Variants in IMPG1 observed in about 807,000 individuals in gnomAD.
The protein encoded by IMPG1 is interphotoreceptor matrix proteoglycan 1.
Under a neutral mutation model 92.0 loss-of-function variants are expected in IMPG1, and 85 were observed. The ratio of observed to expected loss-of-function variants is 0.92; its 90% CI spans 0.78 to 1.11. IMPG1 has a LOEUF of 1.11. Ranked by LOEUF, IMPG1 falls within the 50% of genes least tolerant of loss-of-function variation. The pLI, the probability that IMPG1 is intolerant of heterozygous loss-of-function variation, is 0.00. For missense variants in IMPG1, 1,022 were observed against 956.0 expected, an observed-to-expected ratio of 1.07 and a Z score of -0.91; for synonymous variants, 367 against 334.1, an observed-to-expected ratio of 1.10 and a Z score of -1.08.
At chr6:76,042,974 C>T (rs1187965392) in intron 1 of IMPG1, among the ~76,000 whole-genome samples, 1 of 152,126 alleles carries the variant, frequency 6.6e-6, no homozygotes, top group Non-Finnish European at 1.5e-5. Context: ...TATCATTTTT[C>T]TCAGTTCATC....
At chr6:75,953,591 C>T (rs1046653056) in intron 12 of IMPG1, among the ~76,000 whole-genome samples, 2 of 151,250 alleles carry the variant, frequency 1.3e-5, no homozygotes, top group African/African-American at 2.4e-5. Flanking sequence ...TGAACTCATC[C>T]TTTTTTTCCC....
intron 14 of IMPG1, among the ~76,000 whole-genome samples, chr6:75,937,809 T>C (rs1781772357): frequency 6.6e-6 from 1 of 152,202 alleles, no homozygotes. Flanking sequence ...TGTAATTAAT[T>C]TCAGTGTTTA....
chr6:75,947,264 A>T (rs766676537), intron 14 of IMPG1, 50 bp downstream of exon 14: 6 of 1,443,282 alleles, frequency 4.2e-6, no homozygotes, highest in Admixed American at 1.7e-5. Context: ...GAACGAAATT[A>T]AAAAAATGAA....
chr6:75,993,657 A>G (rs1302610168), intron 12 of IMPG1, among the ~76,000 whole-genome samples: 2 of 152,228 alleles, frequency 1.3e-5, no homozygotes, highest in African/African-American at 4.8e-5. Flanking sequence ...GTGGGGATTT[A>G]GGTCTTTCTT....
chr6:76,025,856 G>T (rs749152027), intron 4 of IMPG1, among the ~76,000 whole-genome samples: 85 of 152,274 alleles, frequency 5.6e-4, no homozygotes, highest in Non-Finnish European at 7.8e-4. Context: ...GAGATTCTAG[G>T]AGCAGATCCA....
intron 6 of IMPG1, among the ~76,000 whole-genome samples, 185 bp downstream of exon 6, chr6:76,021,930 TC>T (rs1031764357): frequency 3.2e-4 from 48 of 150,658 alleles, no homozygotes; most frequent in African/African-American, 1.0e-3. Context: ...AATCTATGCT[TC>T]CCCCCTCAGT....
intron 12 of IMPG1, among the ~76,000 whole-genome samples, chr6:75,980,094 C>T (rs989362188): frequency 1.3e-5 from 2 of 152,048 alleles, no homozygotes; most frequent in South Asian, 2.1e-4. Context: ...AGGATCGTTT[C>T]GGACATGATC....
intron 4 of IMPG1, among the ~76,000 whole-genome samples, chr6:76,025,800 G>T (rs1001800928): frequency 4.6e-5 from 7 of 152,226 alleles, no homozygotes; most frequent in African/African-American, 1.7e-4. Flanking sequence ...TAACTAGCCA[G>T]GAAGTTGGGG....
At chr6:75,972,053 T>C (rs1273203566) in intron 12 of IMPG1, among the ~76,000 whole-genome samples, 2 of 152,230 alleles carry the variant, frequency 1.3e-5, no homozygotes, top group East Asian at 3.8e-4. Flanking sequence ...AATAAAGTTT[T>C]ACTTTAACAA....
chr6:75,924,735 A>T (rs796868239), intron 15 of IMPG1, among the ~76,000 whole-genome samples: 441 of 22,396 alleles, frequency 0.02, 94 homozygotes, highest in East Asian at 0.16. Flanking sequence ...AATTATATAT[A>T]ATATATAATA....
At chr6:75,981,684 G>A (rs191189813) in intron 12 of IMPG1, among the ~76,000 whole-genome samples, 56 of 152,272 alleles carry the variant, frequency 3.7e-4, no homozygotes, top group African/African-American at 1.0e-3. Flanking sequence ...CACTTCCTGC[G>A]TCAAAGCATT....
intron 8 of IMPG1, among the ~76,000 whole-genome samples, chr6:76,008,219 C>T (rs1783128681): frequency 6.6e-6 from 1 of 152,290 alleles, no homozygotes; most frequent in South Asian, 2.1e-4. Flanking sequence ...AAATCCTGGC[C>T]TTCCTGACCT....
chr6:75,960,695 T>G (rs1782201156), intron 12 of IMPG1, among the ~76,000 whole-genome samples: 1 of 152,218 alleles, frequency 6.6e-6, no homozygotes. Context: ...AATCATGTTT[T>G]CATCTAATTC....
intron 15 of IMPG1, 73 bp downstream of exon 15, chr6:75,930,880 A>G (rs1241931412): frequency 7.6e-7 from 1 of 1,309,950 alleles, no homozygotes; most frequent in Non-Finnish European, 1.1e-6. Context: ...ATATGAATTT[A>G]CTCTAATGAT....
intron 12 of IMPG1, among the ~76,000 whole-genome samples, chr6:75,997,886 A>C (rs1170562738): frequency 6.6e-6 from 1 of 152,248 alleles, no homozygotes; most frequent in Non-Finnish European, 1.5e-5. Flanking sequence ...ATGGCAGTCT[A>C]GATGACTTTT....
At chr6:75,980,583 G>A (rs1853933) in intron 12 of IMPG1, among the ~76,000 whole-genome samples, 1 of 152,054 alleles carries the variant, frequency 6.6e-6, no homozygotes, top group African/African-American at 2.4e-5. Context: ...ACTTGCTGAG[G>A]CTTCTAGCCT....
chr6:75,965,110 A>T (rs1275811316), intron 12 of IMPG1, among the ~76,000 whole-genome samples: 1 of 152,196 alleles, frequency 6.6e-6, no homozygotes, highest in Non-Finnish European at 1.5e-5. Flanking sequence ...CTTGAAGGAC[A>T]TCTGGGTTGT....
chr6:76,010,259 C>G (rs1783162502), intron 8 of IMPG1, among the ~76,000 whole-genome samples: 2 of 152,222 alleles, frequency 1.3e-5, no homozygotes, highest in South Asian at 4.1e-4. Context: ...AGAAACACTT[C>G]TGGGGGAGCC....
At chr6:75,924,941 A>G (rs930558292) in intron 15 of IMPG1, among the ~76,000 whole-genome samples, 1 of 150,328 alleles carries the variant, frequency 6.7e-6, no homozygotes, top group Non-Finnish European at 1.5e-5. Flanking sequence ...GAAATACAAA[A>G]TAGAACAGTA....
Sources: gnomAD v4.1 joint callset for allele counts (sites outside exome capture counted in the v4.1 genomes callset) on GRCh38, gnomAD v4.1.1 for gene constraint, MANE v1.5 for transcripts, NCBI Gene and HGNC (gene_info 2026-07-23, HGNC 2026-07-21) for gene names.